The following FYN variants were observed in gnomAD, a reference collection of about 807,000 sequenced individuals.
The protein encoded by FYN is tyrosine-protein kinase Fyn.
A neutral mutation model predicts 70.2 loss-of-function variants in FYN; 10 were observed. That is an observed-to-expected ratio of 0.14 (90% CI 0.09 to 0.24). The LOEUF is 0.24. Among genes scored for constraint, FYN ranks in the 10% least tolerant of loss-of-function variants. FYN has a pLI of 1.00. For missense variants in FYN, 319 were observed against 673.1 expected, an observed-to-expected ratio of 0.47 and a Z score of 5.82; for synonymous variants, 236 against 248.6, an observed-to-expected ratio of 0.95 and a Z score of 0.48.
chr6:111,687,691 T>C lies in FYN; in HGVS notation c.1273+6684A>G, dbSNP rs751169937. Among the ~76,000 whole-genome samples, 55 of 152,124 alleles carry C rather than the reference T, an allele frequency of 3.6e-4. 2 individuals carry two copies. The highest frequency in any genetic ancestry group is 5.9e-5 in the Non-Finnish European group (4 of 68,036). On this transcript the variant is annotated intron_variant, in intron 12 of 13. Transcript: ENST00000354650. ...CAGCTATTGGCATCCATTGGATCAA[T>C]ATTATAATAATATTACTATTACTAC...
At position 111,848,680 on chromosome 6, in the gene FYN, G is replaced by GT. The variant is rs1163190653; in HGVS notation, c.-122-2052dup. On this transcript the variant is annotated intron_variant, in intron 1 of 13. Transcript: ENST00000354650. ...AATATTTTTAGAGAGCGGCTCCACT[G>GT]TTTCCAAGATGATAAGGATGGACGC... Among the ~76,000 whole-genome samples the GT allele has an allele frequency of 5.3e-5, 8 of 152,330 alleles. No homozygotes were observed. The South Asian group carries it at 1.4e-3, about 28-fold the overall frequency.
intron 3 of FYN, among the ~76,000 whole-genome samples, chr6:111,764,242 A>AAG (rs1803132236): frequency 2.0e-5 from 3 of 146,660 alleles, no homozygotes; most frequent in Admixed American, 1.4e-4. Flanking sequence ...AGAAAAGAAA[A>AAG]AAAAAGAAAG....
intron 2 of FYN, among the ~76,000 whole-genome samples, chr6:111,808,737 A>C (rs551637190): frequency 5.9e-5 from 9 of 152,182 alleles, no homozygotes; most frequent in Non-Finnish European, 1.0e-4. Context: ...CACCACCATC[A>C]TCACACAGGA....
At chr6:111,662,007 C>A (rs1451670171) in intron 13 of FYN, 60 bp from the exon 14 acceptor site, 2 of 1,359,024 alleles carry the variant, frequency 1.5e-6, no homozygotes, top group Non-Finnish European at 2.0e-6. Flanking sequence ...GACCGCCGCA[C>A]TTGCAGATCC....
chr6:111,713,882 G>T (rs1158248972), intron 5 of FYN, among the ~76,000 whole-genome samples: 1 of 152,220 alleles, frequency 6.6e-6, no homozygotes, highest in East Asian at 1.9e-4. Flanking sequence ...CTTCACCAAA[G>T]AAATGTTTAG....
At chr6:111,798,301 C>T (rs1405053032) in intron 2 of FYN, 1 of 152,130 alleles carries the variant, frequency 6.6e-6, no homozygotes, top group African/African-American at 2.4e-5. Context: ...GCACATGTCG[C>T]AAATTCTGGT....
At chr6:111,810,636 C>T (rs1464814913) in intron 2 of FYN, among the ~76,000 whole-genome samples, 1 of 152,198 alleles carries the variant, frequency 6.6e-6, no homozygotes, top group African/African-American at 2.4e-5. Context: ...TGTATGCTGT[C>T]TTTTTTCTTC....
intron 3 of FYN, among the ~76,000 whole-genome samples, chr6:111,730,714 A>T (rs1401189112): frequency 1.3e-5 from 2 of 152,224 alleles, no homozygotes; most frequent in African/African-American, 4.8e-5. Flanking sequence ...ACAGTAGGCA[A>T]CACTGGTTCA....
intron 2 of FYN, among the ~76,000 whole-genome samples, chr6:111,785,657 TTTTC>T (rs1771340731): frequency 1.3e-5 from 2 of 151,970 alleles, no homozygotes; most frequent in Middle Eastern, 3.4e-3. Flanking sequence ...CAGGAATTTT[TTTTC>T]TTTTTTTCTT....
intron 13 of FYN, among the ~76,000 whole-genome samples, chr6:111,664,411 A>G (rs1033685237): frequency 6.6e-6 from 1 of 152,152 alleles, no homozygotes; most frequent in Non-Finnish European, 1.5e-5. Flanking sequence ...TGCTCCACAG[A>G]GCGCATGTCA....
At chr6:111,830,449 G>A (rs974459921) in intron 2 of FYN, among the ~76,000 whole-genome samples, 3 of 152,196 alleles carry the variant, frequency 2.0e-5, no homozygotes, top group Admixed American at 6.5e-5. Context: ...TAAAGTGTGT[G>A]CCTGCGTGTG....
chr6:111,761,203 C>A (rs1043800309), intron 3 of FYN, among the ~76,000 whole-genome samples: 2 of 152,226 alleles, frequency 1.3e-5, no homozygotes, highest in Non-Finnish European at 2.9e-5. Context: ...AGGCAGGGAG[C>A]CTTCACATTC....
At chr6:111,853,899 G>A (rs1274522224) in intron 1 of FYN, among the ~76,000 whole-genome samples, 3 of 152,212 alleles carry the variant, frequency 2.0e-5, no homozygotes, top group Non-Finnish European at 4.4e-5. Flanking sequence ...AGCTCATTCA[G>A]CCATTGTGGG....
chr6:111,829,578 T>C (rs1049752196), intron 2 of FYN, among the ~76,000 whole-genome samples: 7 of 152,112 alleles, frequency 4.6e-5, no homozygotes, highest in Admixed American at 6.5e-5. Context: ...AACCATAGAC[T>C]GAGCACTTCC....
chr6:111,819,225 C>G (rs1462896940), intron 2 of FYN, among the ~76,000 whole-genome samples: 1 of 152,166 alleles, frequency 6.6e-6, no homozygotes, highest in Admixed American at 6.5e-5. Flanking sequence ...CATCAGCAAT[C>G]CTGGAGATTC....
intron 2 of FYN, among the ~76,000 whole-genome samples, chr6:111,798,765 G>A (rs1232168634): frequency 1.3e-5 from 2 of 152,196 alleles, no homozygotes; most frequent in Non-Finnish European, 2.9e-5. Flanking sequence ...TGGCACTGTG[G>A]TGAAGAATAA....
chr6:111,688,348 C>T (rs939815865), intron 12 of FYN, among the ~76,000 whole-genome samples: 1 of 152,136 alleles, frequency 6.6e-6, no homozygotes, highest in East Asian at 1.9e-4. Flanking sequence ...AATAAACAAC[C>T]CTTTCTGGAG....
intron 1 of FYN, among the ~76,000 whole-genome samples, chr6:111,868,183 C>A (rs1774168300): frequency 6.6e-6 from 1 of 152,010 alleles, no homozygotes; most frequent in Admixed American, 6.5e-5. Flanking sequence ...TACATGGACC[C>A]CTAAAATCCC....
intron 3 of FYN, among the ~76,000 whole-genome samples, chr6:111,727,043 G>A (rs965994501): frequency 4.6e-5 from 7 of 152,100 alleles, no homozygotes; most frequent in Non-Finnish European, 8.8e-5. Context: ...TAAATTACCC[G>A]GTCTCAGGTA....
Sources: allele counts gnomAD v4.1 joint callset (sites outside exome capture counted in the v4.1 genomes callset), GRCh38; gene constraint gnomAD v4.1.1; transcripts MANE v1.5; gene names NCBI Gene and HGNC (gene_info 2026-07-23, HGNC 2026-07-21).